NKAIN2: variants seen among roughly 807,000 people sequenced by gnomAD.
The protein encoded by NKAIN2 is sodium/potassium-transporting ATPase subunit beta-1-interacting protein 2.
NKAIN2 carries 14 observed loss-of-function variants against 32.6 expected under a neutral mutation model. The ratio of observed to expected loss-of-function variants is 0.43; its 90% CI spans 0.28 to 0.67. NKAIN2 has a LOEUF of 0.67. NKAIN2 is among the 30% of genes least tolerant of loss of function. NKAIN2 has a pLI of 0.17. For synonymous variants in NKAIN2, 80 were observed against 87.2 expected (o/e 0.92, Z 0.46); for missense variants, 198 against 258.3 (o/e 0.77, Z 1.60).
At chr6:123,850,708 T>G (rs901228237) in intron 1 of NKAIN2, among the ~76,000 whole-genome samples, 1 of 152,222 alleles carries the variant, frequency 6.6e-6, no homozygotes, top group Non-Finnish European at 1.5e-5. Flanking sequence ...ACGTATGCAT[T>G]ACTTCACACG....
At chr6:124,192,637 T>C (rs1370330357) in intron 1 of NKAIN2, among the ~76,000 whole-genome samples, 1 of 152,042 alleles carries the variant, frequency 6.6e-6, no homozygotes, top group Non-Finnish European at 1.5e-5. Flanking sequence ...AGATCTAATA[T>C]ATCCTTACAG....
chr6:124,464,759 T>C (rs964946046), intron 3 of NKAIN2, among the ~76,000 whole-genome samples: 1 of 151,990 alleles, frequency 6.6e-6, no homozygotes, highest in East Asian at 1.9e-4. Context: ...TGCTGTTTTG[T>C]TTACTGTAGC....
chr6:124,404,734 T>C (rs929400623), intron 3 of NKAIN2, among the ~76,000 whole-genome samples: 4 of 152,108 alleles, frequency 2.6e-5, no homozygotes, highest in Non-Finnish European at 5.9e-5. Context: ...TATATGCATA[T>C]TTTTGACCCT....
chr6:124,592,816 A>G (rs954935551), intron 3 of NKAIN2, among the ~76,000 whole-genome samples: 2 of 152,182 alleles, frequency 1.3e-5, no homozygotes, highest in African/African-American at 2.4e-5. Flanking sequence ...AAATAGGAGC[A>G]TAGTATTCCG....
intron 4 of NKAIN2, among the ~76,000 whole-genome samples, chr6:124,774,856 CA>C (rs777636496): frequency 0.26 from 18,821 of 72,816 alleles, 1,411 homozygotes; most frequent in African/African-American, 0.38. Flanking sequence ...AACTTCATCT[CA>C]AAAAAAAAAA....
intron 1 of NKAIN2, among the ~76,000 whole-genome samples, chr6:124,234,990 C>T (rs181316221): frequency 1.3e-5 from 2 of 152,244 alleles, no homozygotes; most frequent in East Asian, 3.9e-4. Flanking sequence ...GGCTACCATT[C>T]AGATGGTGAC....
chr6:124,164,605 T>A (rs1025785540), intron 1 of NKAIN2, among the ~76,000 whole-genome samples: 3 of 152,126 alleles, frequency 2.0e-5, no homozygotes, highest in Non-Finnish European at 2.9e-5. Context: ...ATGTTATTAG[T>A]AATGTTGATT....
chr6:124,805,540 G>A (rs1408444119), intron 5 of NKAIN2, among the ~76,000 whole-genome samples: 1 of 152,028 alleles, frequency 6.6e-6, no homozygotes, highest in Non-Finnish European at 1.5e-5. Flanking sequence ...CAAAGATGGG[G>A]AAAAAACAGA....
chr6:124,643,516 G>C (rs1784064546), intron 3 of NKAIN2, among the ~76,000 whole-genome samples: 1 of 151,982 alleles, frequency 6.6e-6, no homozygotes, highest in Non-Finnish European at 1.5e-5. Context: ...TCTTATATCG[G>C]TATATTTTAT....
intron 3 of NKAIN2, among the ~76,000 whole-genome samples, chr6:124,444,503 A>G (rs575711678): frequency 5.3e-5 from 8 of 152,182 alleles, no homozygotes; most frequent in African/African-American, 1.7e-4. Flanking sequence ...AGACACGCAT[A>G]TAACAACATT....
At chr6:124,809,834 A>C (rs75638961) in intron 5 of NKAIN2, among the ~76,000 whole-genome samples, 19 of 150,038 alleles carry the variant, frequency 1.3e-4, no homozygotes, top group Non-Finnish European at 2.8e-4. Context: ...GACATGAACA[A>C]ACACTTCTCA....
chr6:124,238,244 A>G (rs1395610092), intron 1 of NKAIN2, among the ~76,000 whole-genome samples: 1 of 152,108 alleles, frequency 6.6e-6, no homozygotes, highest in Non-Finnish European at 1.5e-5. Context: ...AAATTGAGAG[A>G]CGGGAGCTTT....
intron 1 of NKAIN2, among the ~76,000 whole-genome samples, chr6:123,917,843 G>A (rs1325873676): frequency 6.6e-6 from 1 of 151,954 alleles, no homozygotes; most frequent in African/African-American, 2.4e-5. Context: ...AATTTTATCC[G>A]CCAGCAATGT....
chr6:123,973,482 T>C (rs1200423954), intron 1 of NKAIN2, among the ~76,000 whole-genome samples: 1 of 151,992 alleles, frequency 6.6e-6, no homozygotes, highest in East Asian at 1.9e-4. Context: ...CCCTGGCCTG[T>C]CTATATAGAG....
intron 1 of NKAIN2, among the ~76,000 whole-genome samples, chr6:124,237,462 A>G (rs562666963): frequency 3.9e-4 from 59 of 152,246 alleles, no homozygotes; most frequent in Non-Finnish European, 8.8e-5. Context: ...AATAGAAAGC[A>G]TTTCTCTTTT....
chr6:123,925,332 G>A (rs145972159), intron 1 of NKAIN2, among the ~76,000 whole-genome samples: 2,023 of 152,258 alleles, frequency 0.013, 26 homozygotes, highest in Middle Eastern at 0.031. Context: ...CAAATAAAAA[G>A]GCACTGGATC....
intron 4 of NKAIN2, among the ~76,000 whole-genome samples, chr6:124,790,216 G>T (rs1191529313): frequency 6.6e-6 from 1 of 152,034 alleles, no homozygotes; most frequent in Non-Finnish European, 1.5e-5. Flanking sequence ...TCTCCTAACA[G>T]TTCTGTGCTC....
At chr6:124,523,635 G>A (rs960358931) in intron 3 of NKAIN2, among the ~76,000 whole-genome samples, 7 of 152,058 alleles carry the variant, frequency 4.6e-5, no homozygotes, top group South Asian at 2.1e-4. Context: ...TCATTTTGAC[G>A]TATGAAAGGG....
intron 1 of NKAIN2, among the ~76,000 whole-genome samples, chr6:124,032,930 A>G (rs1460360475): frequency 2.6e-5 from 4 of 151,998 alleles, no homozygotes; most frequent in African/African-American, 9.7e-5. Context: ...GTAATATTTT[A>G]TGCGGGATTT....
Sources: allele counts gnomAD v4.1 joint callset (sites outside exome capture counted in the v4.1 genomes callset), GRCh38; gene constraint gnomAD v4.1.1; transcripts MANE v1.5; gene names NCBI Gene and HGNC (gene_info 2026-07-23, HGNC 2026-07-21).